NEDD4L: variants seen among roughly 807,000 people sequenced by gnomAD.
The protein encoded by NEDD4L is NEDD4 like E3 ubiquitin protein ligase.
In NEDD4L, 54 loss-of-function variants were observed where a neutral mutation model predicts 148.9. That is an observed-to-expected ratio of 0.36 (90% CI 0.29 to 0.45). NEDD4L has a LOEUF of 0.45. Ranked by LOEUF, NEDD4L falls within the 20% of genes least tolerant of loss-of-function variation. The probability of loss-of-function intolerance (pLI) is 1.00; values close to 1 mark genes in which losing one functional copy is unlikely to be tolerated. For synonymous variants in NEDD4L, 433 were observed against 440.7 expected (o/e 0.98, Z 0.22); for missense variants, 856 against 1,233.8 (o/e 0.69, Z 4.59).
intron 6 of NEDD4L, among the ~76,000 whole-genome samples, chr18:58,319,211 A>T (rs537514440): frequency 6.6e-6 from 1 of 152,178 alleles, no homozygotes; most frequent in South Asian, 2.1e-4. Flanking sequence ...GGGCCCAGAG[A>T]GGGAGGGGAC....
chr18:58,131,684 T>C (rs2032176034), intron 1 of NEDD4L, among the ~76,000 whole-genome samples: 1 of 152,064 alleles, frequency 6.6e-6, no homozygotes, highest in South Asian at 2.1e-4. Flanking sequence ...GGTTTGGTTG[T>C]GATCTAGTGG....
At chr18:58,263,068 C>T (rs955729866) in intron 5 of NEDD4L, among the ~76,000 whole-genome samples, 24 of 152,096 alleles carry the variant, frequency 1.6e-4, no homozygotes, top group East Asian at 3.9e-4. Flanking sequence ...AATAAAAGGA[C>T]GGATCATAAT....
intron 2 of NEDD4L, chr18:58,221,394 TG>T: frequency 5.0e-6 from 1 of 198,740 alleles, no homozygotes; most frequent in Non-Finnish European, 9.0e-6. Flanking sequence ...GCAGGGAACC[TG>T]GAGATAAGGC....
chr18:58,127,650 C>A (rs1232677437), intron 1 of NEDD4L, among the ~76,000 whole-genome samples: 1 of 151,906 alleles, frequency 6.6e-6, no homozygotes, highest in African/African-American at 2.4e-5. Flanking sequence ...CCATCCTGGC[C>A]TAACACAGTG....
At chr18:58,063,899 G>GA (rs2082460673) in intron 1 of NEDD4L, among the ~76,000 whole-genome samples, 1 of 149,764 alleles carries the variant, frequency 6.7e-6, no homozygotes, top group East Asian at 2.0e-4. Context: ...CCCCTTTAGA[G>GA]AAAAAACATC....
chr18:58,257,598 T>A (rs1239320420), intron 5 of NEDD4L, among the ~76,000 whole-genome samples: 1 of 152,188 alleles, frequency 6.6e-6, no homozygotes, highest in African/African-American at 2.4e-5. Context: ...TGTCTCCAGC[T>A]GTGGAGAAAT....
intron 6 of NEDD4L, 126 bp downstream of exon 6, chr18:58,316,158 C>A: frequency 1.3e-6 from 1 of 786,084 alleles, no homozygotes; most frequent in Non-Finnish European, 2.2e-6. Flanking sequence ...AGCACGTGTG[C>A]TGTGGCCTTA....
At chr18:58,358,551 A>G (rs1427771737) in intron 19 of NEDD4L, among the ~76,000 whole-genome samples, 1 of 152,174 alleles carries the variant, frequency 6.6e-6, no homozygotes, top group Non-Finnish European at 1.5e-5. Flanking sequence ...TCACTCAAAC[A>G]CTGCTAGTCC....
At chr18:58,197,033 T>C (rs2040791963) in intron 2 of NEDD4L, among the ~76,000 whole-genome samples, 1 of 152,140 alleles carries the variant, frequency 6.6e-6, no homozygotes, top group African/African-American at 2.4e-5. Flanking sequence ...CGGTAATGTG[T>C]GAAATTGAAC....
At chr18:58,210,284 A>G (rs982188749) in intron 2 of NEDD4L, among the ~76,000 whole-genome samples, 1 of 152,262 alleles carries the variant, frequency 6.6e-6, no homozygotes, top group African/African-American at 2.4e-5. Flanking sequence ...AACACATTTG[A>G]AAATATAGGG....
At chr18:58,129,972 T>C (rs1428350997) in intron 1 of NEDD4L, among the ~76,000 whole-genome samples, 1 of 149,724 alleles carries the variant, frequency 6.7e-6, no homozygotes, top group African/African-American at 2.5e-5. Context: ...TTGACTGTGA[T>C]CTAGTGGAAC....
At chr18:58,291,322 A>T (rs2054729549) in intron 5 of NEDD4L, among the ~76,000 whole-genome samples, 1 of 152,264 alleles carries the variant, frequency 6.6e-6, no homozygotes, top group Admixed American at 6.5e-5. Flanking sequence ...TCATTAGCCA[A>T]AACTGGTAAG....
chr18:58,296,748 C>G (rs1236029101), intron 5 of NEDD4L, among the ~76,000 whole-genome samples: 1 of 152,130 alleles, frequency 6.6e-6, no homozygotes, highest in Non-Finnish European at 1.5e-5. Context: ...ATGGTGAAAC[C>G]CTGTCTCTAC....
At chr18:58,258,315 A>T (rs933007464) in intron 5 of NEDD4L, among the ~76,000 whole-genome samples, 1 of 152,224 alleles carries the variant, frequency 6.6e-6, no homozygotes, top group Non-Finnish European at 1.5e-5. Context: ...TCGGCAACAC[A>T]ATTCCATGCT....
intron 1 of NEDD4L, among the ~76,000 whole-genome samples, chr18:58,064,005 C>T (rs1194389767): frequency 2.5e-5 from 3 of 120,788 alleles, no homozygotes; most frequent in Non-Finnish European, 3.4e-5. Context: ...TGTTCTGTTG[C>T]CCAGGCTGGA....
At chr18:58,151,567 C>G (rs894135398) in intron 1 of NEDD4L, among the ~76,000 whole-genome samples, 46 of 150,524 alleles carry the variant, frequency 3.1e-4, no homozygotes, top group African/African-American at 1.1e-3. Flanking sequence ...AATACGGATA[C>G]CACCATAGCA....
intron 1 of NEDD4L, among the ~76,000 whole-genome samples, chr18:58,052,881 G>C (rs578229900): frequency 6.6e-6 from 1 of 152,206 alleles, no homozygotes; most frequent in African/African-American, 2.4e-5. Context: ...CAGGAGAATC[G>C]CTTGAACCTG....
intron 2 of NEDD4L, among the ~76,000 whole-genome samples, chr18:58,216,205 T>TAG (rs2043144204): frequency 6.6e-6 from 1 of 151,886 alleles, no homozygotes; most frequent in African/African-American, 2.4e-5. Flanking sequence ...GGAGTGTTCG[T>TAG]AGAGAGGCAC....
intron 13 of NEDD4L, among the ~76,000 whole-genome samples, chr18:58,339,795 T>C (rs1326099640): frequency 6.6e-6 from 1 of 152,108 alleles, no homozygotes; most frequent in Non-Finnish European, 1.5e-5. Context: ...TTTCTCTAAT[T>C]TGAGATCCTG....
Sources: allele counts gnomAD v4.1 joint callset (sites outside exome capture counted in the v4.1 genomes callset), GRCh38; gene constraint gnomAD v4.1.1; transcripts MANE v1.5; gene names NCBI Gene and HGNC (gene_info 2026-07-23, HGNC 2026-07-21).